ZNF398: variants seen among roughly 807,000 people sequenced by gnomAD.
ZNF398 encodes zinc finger DNA binding protein ZER6.
A neutral mutation model predicts 41.9 loss-of-function variants in ZNF398; 18 were observed. The observed-to-expected ratio is 0.43, with a 90% CI of 0.30 to 0.64. ZNF398 has a LOEUF of 0.64. Ranked by LOEUF, ZNF398 falls within the 30% of genes least tolerant of loss-of-function variation. The pLI, the probability that ZNF398 is intolerant of heterozygous loss-of-function variation, is 0.14. For missense variants in ZNF398, 669 were observed against 822.8 expected (o/e 0.81, Z 2.29); for synonymous variants, 260 against 308.8 (o/e 0.84, Z 1.66).
At chr7:149,176,344 A>G in intron 4 of ZNF398, 124 bp from the exon 5 acceptor site, 2 of 687,918 alleles carry the variant, frequency 2.9e-6, no homozygotes, top group South Asian at 3.2e-5. Flanking sequence ...ACTCTGTCTC[A>G]AAAAAAGAAA....
intron 1 of ZNF398, among the ~76,000 whole-genome samples, chr7:149,127,841 C>T (rs988992699): frequency 2.0e-5 from 3 of 151,504 alleles, no homozygotes; most frequent in African/African-American, 7.3e-5. Flanking sequence ...GAGCCCTGTC[C>T]CACCCTGAAA....
intron 3 of ZNF398, 105 bp downstream of exon 3, chr7:149,166,389 A>G: frequency 6.9e-7 from 1 of 1,439,732 alleles, no homozygotes; most frequent in East Asian, 2.3e-5. Context: ...GTCTTCACAC[A>G]CTTCAAATTC....
chr7:149,158,625 A>G (rs1795033465), intron 2 of ZNF398, among the ~76,000 whole-genome samples: 1 of 152,058 alleles, frequency 6.6e-6, no homozygotes, highest in South Asian at 2.1e-4. Flanking sequence ...ATCTGAGGTC[A>G]GGAGTTGGAG....
intron 2 of ZNF398, among the ~76,000 whole-genome samples, chr7:149,155,711 T>TA (rs1172147806): frequency 2.5e-4 from 5 of 20,296 alleles, no homozygotes; most frequent in African/African-American, 5.8e-4. Flanking sequence ...ATATATATTT[T>TA]TTTTTTTTTT....
chr7:149,150,039 A>G (rs1347680155), intron 1 of ZNF398, among the ~76,000 whole-genome samples: 1 of 152,178 alleles, frequency 6.6e-6, no homozygotes, highest in African/African-American at 2.4e-5. Context: ...AACCTACCCA[A>G]AAAGGTGGAA....
chr7:149,138,214 A>G (rs1283721792), intron 2 of ZNF398, among the ~76,000 whole-genome samples: 47 of 145,800 alleles, frequency 3.2e-4, no homozygotes, highest in African/African-American at 1.1e-3. Context: ...AAAAAAAAAG[A>G]AAAAAAAAAA....
intron 2 of ZNF398, among the ~76,000 whole-genome samples, chr7:149,137,509 G>C (rs1288755465): frequency 6.6e-6 from 1 of 152,152 alleles, no homozygotes; most frequent in Non-Finnish European, 1.5e-5. Context: ...AGCCTCCTGA[G>C]TAGCTGGGAT....
In ZNF398 at chr7:149,176,579, C is replaced by G; in HGVS notation, c.773C>G (p.Ala258Gly). Residue 258 changes from alanine to glycine, a missense_variant and splice_region_variant, in exon 5 of 6, where the codon GCT becomes GGT. Coordinates refer to ENST00000475153, the MANE Select transcript of ZNF398 (RefSeq NM_170686.3). ...KESDVYKSTY[A>G]DEELVIKAEG... Reference sequence around the variant, plus strand: ...AGTGACGTGTACAAAAGCACTTATGCTGGTGAGTATGAAATTAAAGAGGTG... The same window carrying G: ...AGTGACGTGTACAAAAGCACTTATGGTGGTGAGTATGAAATTAAAGAGGTG... 6.3e-7 allele frequency: 1 copy of G among 1,594,106 alleles called. No individual in the cohort carries two copies. Among genetic ancestry groups the G allele is most frequent in the Non-Finnish European group, 8.6e-7 (1 of 1,169,586 alleles).
At chr7:149,173,698 C>CTGTA (rs1795398951) in intron 4 of ZNF398, among the ~76,000 whole-genome samples, 1 of 150,870 alleles carries the variant, frequency 6.6e-6, no homozygotes, top group African/African-American at 2.4e-5. Context: ...TTAAAATATT[C>CTGTA]TGTAAACCGT....
intron 2 of ZNF398, among the ~76,000 whole-genome samples, chr7:149,156,292 G>A (rs1794978136): frequency 1.3e-5 from 2 of 151,092 alleles, no homozygotes; most frequent in South Asian, 4.2e-4. Context: ...GGATCATGAG[G>A]TCAGGAGTTT....
At chr7:149,145,572 C>G (rs1335265905), upstream of ZNF398, among the ~76,000 whole-genome samples, 1 of 152,176 alleles carries the variant, frequency 6.6e-6, no homozygotes, top group Admixed American at 6.5e-5. Context: ...TTTCAGACCA[C>G]GAGTTCCGGT....
chr7:149,166,700 T>C, intron 3 of ZNF398, 117 bp from the exon 4 acceptor site: 1 of 659,518 alleles, frequency 1.5e-6, no homozygotes, highest in Non-Finnish European at 2.6e-6. Flanking sequence ...TGATATGAAA[T>C]CTAAAAGAAA....
intron 1 of ZNF398, among the ~76,000 whole-genome samples, chr7:149,151,975 G>A (rs750139433): frequency 4.6e-5 from 7 of 151,872 alleles, no homozygotes; most frequent in Admixed American, 2.6e-4. Context: ...GCTCACGCCC[G>A]TAATGCCAAC....
chr7:149,154,511 T>C (rs1343983227), intron 2 of ZNF398, among the ~76,000 whole-genome samples, 171 bp downstream of exon 2: 1 of 152,238 alleles, frequency 6.6e-6, no homozygotes, highest in Non-Finnish European at 1.5e-5. Context: ...AAACATTTTA[T>C]GTTCAATTTA....
intron 4 of ZNF398, among the ~76,000 whole-genome samples, chr7:149,170,997 C>T (rs1202454): frequency 0.17 from 25,814 of 147,632 alleles, 2,624 homozygotes; most frequent in African/African-American, 0.27. Flanking sequence ...GCACGTGCCA[C>T]CACGCCCGGC....
intron 5 of ZNF398, among the ~76,000 whole-genome samples, 191 bp downstream of exon 5, chr7:149,176,772 C>T (rs1472482913): frequency 6.6e-6 from 1 of 152,140 alleles, no homozygotes; most frequent in Non-Finnish European, 1.5e-5. Context: ...AGAAAATACA[C>T]TCTTACATGC....
intron 2 of ZNF398, among the ~76,000 whole-genome samples, chr7:149,157,926 G>T (rs528897399): frequency 6.6e-6 from 1 of 151,272 alleles, no homozygotes; most frequent in African/African-American, 2.4e-5. Flanking sequence ...CTGGGCCAGC[G>T]CCGTGGCTCA....
rs755567790 is a variant in ZNF398 at position 149,166,768 on chromosome 7, TC to T, written c.548-47del. On this transcript the variant is annotated intron_variant, in intron 3 of 5. Transcript: ENST00000475153. The stretch of plus-strand genomic sequence containing the variant: ...CAGCCTTGATGGCAATTAGTTGTCA[TC>T]CTCATTTATCTCTTTGTAATACTCT... The T allele has an allele frequency of 4.4e-6, 6 of 1,360,362 alleles. No individual in the cohort carries two copies. In the East Asian group the frequency reaches 7.1e-5, roughly 16 times the overall value. 84.3% of individuals were successfully genotyped at this position (1,360,362 alleles called of 1,614,324 possible). A position where few individuals can be genotyped will look rare whatever the true frequency, so the allele number is the denominator to read the frequency against.
intron 4 of ZNF398, among the ~76,000 whole-genome samples, chr7:149,174,779 T>A (rs1460321084): frequency 6.6e-6 from 1 of 152,126 alleles, no homozygotes; most frequent in Admixed American, 6.5e-5. Context: ...TAAGCCAAGA[T>A]TACGCCACTG....
Sources: gnomAD v4.1 joint callset for allele counts (sites outside exome capture counted in the v4.1 genomes callset) on GRCh38, gnomAD v4.1.1 for gene constraint, MANE v1.5 for transcripts, NCBI Gene and HGNC (gene_info 2026-07-23, HGNC 2026-07-21) for gene names.